Variants in CYB5R4 observed in about 807,000 individuals in gnomAD.
CYB5R4 encodes cytochrome b5 reductase 4, also known as N-terminal cytochrome b5 and cytochrome b5 oxidoreductase domain-containing protein.
Under a neutral mutation model 70.2 loss-of-function variants are expected in CYB5R4, and 55 were observed. The observed-to-expected ratio is 0.78, with a 90% CI of 0.63 to 0.98. The LOEUF is 0.98. CYB5R4 is among the 50% of genes least tolerant of loss of function. CYB5R4 has a pLI of 0.00. For synonymous variants in CYB5R4, 197 were observed against 199.5 expected (o/e 0.99, Z 0.11); for missense variants, 562 against 612.6 (o/e 0.92, Z 0.87).
chr6:83,863,299 G>A (rs922743293), intron 1 of CYB5R4, among the ~76,000 whole-genome samples: 3 of 152,092 alleles, frequency 2.0e-5, no homozygotes, highest in Non-Finnish European at 2.9e-5. Context: ...ATGTGAAGAC[G>A]ATTCTTTGCT....
At chr6:83,891,972 T>C (rs1351921832) in intron 2 of CYB5R4, among the ~76,000 whole-genome samples, 1 of 152,174 alleles carries the variant, frequency 6.6e-6, no homozygotes. Context: ...AGAGAAAGTT[T>C]GGAACTCTTG....
chr6:83,959,116 T>C (rs548802712), intron 15 of CYB5R4, among the ~76,000 whole-genome samples: 1 of 152,282 alleles, frequency 6.6e-6, no homozygotes, highest in South Asian at 2.1e-4. Context: ...TGAGCAGACA[T>C]TTTTCTTTAT....
At chr6:83,930,349 T>C (rs1307524400) in intron 10 of CYB5R4, among the ~76,000 whole-genome samples, 1 of 152,174 alleles carries the variant, frequency 6.6e-6, no homozygotes, top group Non-Finnish European at 1.5e-5. Flanking sequence ...TTGAAGTCAG[T>C]CCTCTCAAAC....
chr6:83,914,489 G>T, intron 5 of CYB5R4, 41 bp downstream of exon 5: 1 of 1,452,758 alleles, frequency 6.9e-7, no homozygotes, highest in South Asian at 1.3e-5. Flanking sequence ...ATATTCACAT[G>T]CTTATGAATA....
At chr6:83,922,509 A>G (rs2099466539) in intron 9 of CYB5R4, 39 bp downstream of exon 9, 1 of 1,433,620 alleles carries the variant, frequency 7.0e-7, no homozygotes, top group African/African-American at 1.4e-5. Context: ...ATGTACGTAC[A>G]TATACACATA....
chr6:83,939,791 T>C (rs1184040169), intron 12 of CYB5R4, among the ~76,000 whole-genome samples: 1 of 152,144 alleles, frequency 6.6e-6, no homozygotes, highest in Non-Finnish European at 1.5e-5. Flanking sequence ...TTTGGCAAAA[T>C]AGTGGTGGGA....
intron 3 of CYB5R4, among the ~76,000 whole-genome samples, chr6:83,895,792 C>T (rs2099461789): frequency 6.6e-6 from 1 of 152,110 alleles, no homozygotes; most frequent in Non-Finnish European, 1.5e-5. Flanking sequence ...TTTAATAAGA[C>T]CAGTGATGTT....
intron 12 of CYB5R4, among the ~76,000 whole-genome samples, chr6:83,938,274 T>C (rs1240259172): frequency 3.3e-5 from 5 of 152,192 alleles, no homozygotes; most frequent in African/African-American, 1.2e-4. Context: ...TTATAGCCTA[T>C]TTACGGAGAT....
intron 11 of CYB5R4, 151 bp from the exon 12 acceptor site, chr6:83,936,073 A>G: frequency 1.8e-6 from 1 of 565,674 alleles, no homozygotes; most frequent in Non-Finnish European, 3.1e-6. Context: ...TATATATACT[A>G]TATACATATA....
chr6:83,889,490 A>G (rs1026963854), intron 2 of CYB5R4, among the ~76,000 whole-genome samples: 1 of 152,210 alleles, frequency 6.6e-6, no homozygotes, highest in Non-Finnish European at 1.5e-5. Context: ...CTTGGATGAC[A>G]GTACCTCAGT....
At chr6:83,936,760 A>G (rs1375394992) in intron 12 of CYB5R4, among the ~76,000 whole-genome samples, 6 of 152,064 alleles carry the variant, frequency 3.9e-5, no homozygotes, top group Non-Finnish European at 8.8e-5. Context: ...AATTGACCCT[A>G]CTGCTTCGCA....
At chr6:83,903,379 C>T (rs1322682478) in intron 3 of CYB5R4, among the ~76,000 whole-genome samples, 1 of 152,040 alleles carries the variant, frequency 6.6e-6, no homozygotes, top group African/African-American at 2.4e-5. Flanking sequence ...TCCACTTCAT[C>T]ATGTTTTATT....
intron 2 of CYB5R4, among the ~76,000 whole-genome samples, chr6:83,883,464 A>G (rs2099459774): frequency 6.6e-6 from 1 of 152,208 alleles, no homozygotes; most frequent in Non-Finnish European, 1.5e-5. Flanking sequence ...GAAAATCTGG[A>G]AAGCTGCCAG....
chr6:83,876,027 T>A (rs2099458493), intron 2 of CYB5R4, among the ~76,000 whole-genome samples: 1 of 152,210 alleles, frequency 6.6e-6, no homozygotes, highest in Non-Finnish European at 1.5e-5. Flanking sequence ...AGGGATATTC[T>A]AATGTTATCA....
At chr6:83,898,389 A>G (rs1184933387) in intron 3 of CYB5R4, among the ~76,000 whole-genome samples, 1 of 152,142 alleles carries the variant, frequency 6.6e-6, no homozygotes, top group Non-Finnish European at 1.5e-5. Flanking sequence ...GTTTGAAGTC[A>G]GGTAGCATGA....
At chr6:83,912,137 T>C (rs1236030083) in intron 4 of CYB5R4, among the ~76,000 whole-genome samples, 2 of 151,736 alleles carry the variant, frequency 1.3e-5, no homozygotes, top group Non-Finnish European at 2.9e-5. Context: ...ATTGCACTCA[T>C]GTGATTCAAG....
At chr6:83,959,235 A>C (rs1014936410) in intron 15 of CYB5R4, among the ~76,000 whole-genome samples, 1 of 152,180 alleles carries the variant, frequency 6.6e-6, no homozygotes, top group African/African-American at 2.4e-5. Context: ...GGTAGCTAGC[A>C]CTCAAAAAGA....
rs1246090324 is a variant in CYB5R4, at chr6:83,963,220, G to GA, written c.*3343dup. On this transcript the variant is annotated 3_prime_UTR_variant, in exon 16 of 16. Transcript: ENST00000369681. ...GAACAGAGAAATTTGTCCAAGATAA[G>GA]ATGATTAGGTTTTGTCTAGATAGGG... The GA allele has an allele frequency of 6.6e-6, 1 of 152,116 alleles. No homozygotes were observed. The highest frequency in any genetic ancestry group is 2.4e-5 in the African/African-American group (1 of 41,378). The allele number at this position is 152,116 out of a possible 1,614,324, so 9.4% of individuals were successfully genotyped here. A position where few individuals can be genotyped will look rare whatever the true frequency, so the allele number is the denominator to read the frequency against.
At chr6:83,873,428 A>T (rs1030455872) in intron 2 of CYB5R4, among the ~76,000 whole-genome samples, 9 of 151,546 alleles carry the variant, frequency 5.9e-5, no homozygotes, top group African/African-American at 1.9e-4. Flanking sequence ...TTTAGTAGAG[A>T]TGGGGTTTCA....
Sources: gnomAD v4.1 joint callset for allele counts (sites outside exome capture counted in the v4.1 genomes callset) on GRCh38, gnomAD v4.1.1 for gene constraint, MANE v1.5 for transcripts, NCBI Gene and HGNC (gene_info 2026-07-23, HGNC 2026-07-21) for gene names.